The following ADRA1D variants were observed in gnomAD, a reference collection of about 807,000 sequenced individuals.
ADRA1D encodes the protein adrenoceptor alpha 1D.
A neutral mutation model predicts 18.6 loss-of-function variants in ADRA1D; 22 were observed. The ratio of observed to expected loss-of-function variants is 1.19; its 90% confidence interval spans 0.85 to 1.69. ADRA1D has a LOEUF of 1.69. ADRA1D is among the 40% of genes most tolerant of loss of function. ADRA1D has a pLI of 0.00. For missense variants in ADRA1D, 840 were observed against 840.7 expected, an observed-to-expected ratio of 1.00 and a Z score of 0.01; for synonymous variants, 376 against 388.2, an observed-to-expected ratio of 0.97 and a Z score of 0.37.
intron 1 of ADRA1D, among the ~76,000 whole-genome samples, chr20:4,230,835 C>G (rs986943133): frequency 6.6e-6 from 1 of 152,186 alleles, no homozygotes; most frequent in Non-Finnish European, 1.5e-5. Context: ...TTGCTGCTCC[C>G]AGGAGCCTCC....
rs889346333 is a variant in ADRA1D, at chr20:4,234,777, G to A, written c.1112-12647C>T. Reference sequence around the variant, plus strand: ...ATACAGTACACTTGAGCCAAGACCTGAAGACCCTGTGAGGGAGTGAGCCAT... The same window carrying A: ...ATACAGTACACTTGAGCCAAGACCTAAAGACCCTGTGAGGGAGTGAGCCAT... On this transcript the variant is annotated intron_variant, in intron 1 of 1. Transcript: ENST00000379453. 3.4e-4 allele frequency among the ~76,000 whole-genome samples: 52 copies of A among 152,222 alleles called. 1 individual carries two copies. Among genetic ancestry groups the A allele is most frequent in the Admixed American group, 3.4e-3 (52 of 15,284 alleles).
intron 1 of ADRA1D, among the ~76,000 whole-genome samples, chr20:4,240,719 G>A (rs566050627): frequency 6.6e-6 from 1 of 152,238 alleles, no homozygotes; most frequent in African/African-American, 2.4e-5. Flanking sequence ...ACTTGAACCC[G>A]GGAGGTGGAG....
chr20:4,227,780 CT>C (rs1001364095), intron 1 of ADRA1D, among the ~76,000 whole-genome samples: 42 of 123,254 alleles, frequency 3.4e-4, no homozygotes, highest in Non-Finnish European at 6.3e-4. Context: ...CTCTTTCTTT[CT>C]TTTTTTTTGA....
intron 1 of ADRA1D, among the ~76,000 whole-genome samples, chr20:4,234,760 C>T (rs763326492): frequency 1.3e-4 from 20 of 152,222 alleles, no homozygotes; most frequent in Non-Finnish European, 1.5e-5. Context: ...TAATACAGTA[C>T]ACTTGAGCCA....
chr20:4,224,015 G>A (rs1181388963), intron 1 of ADRA1D, among the ~76,000 whole-genome samples: 1 of 152,170 alleles, frequency 6.6e-6, no homozygotes, highest in Non-Finnish European at 1.5e-5. Context: ...GATGAGGCAG[G>A]GCAGAGGGTA....
At position 4,221,542 on chromosome 20, in the gene ADRA1D, A is replaced by C; in HGVS notation, c.1700T>G (p.Leu567Arg). 1.2e-6 allele frequency: 2 copies of C among 1,611,040 alleles called. No homozygotes were observed. The highest frequency in any genetic ancestry group is 1.7e-6 in the Non-Finnish European group (2 of 1,177,800). ...QAYELADYSN[L>R]RETDI ...GGGTCCTTAAATATCGGTCTCCCGT[A>C]GGTTGCTGTAGTCGGCCAATTCGTA... The change falls in exon 2 of 2, where the codon CTA (leucine) becomes CGA (arginine). Residue 567 changes from leucine (L) to arginine (R), a missense_variant. Physicochemically the swap from Leu to Arg is moderately radical, Grantham distance 102. Coordinates refer to ENST00000379453, the MANE Select transcript of ADRA1D (RefSeq NM_000678.4).
At position 4,222,246 on chromosome 20, in the gene ADRA1D, CTCA is replaced by C; in HGVS notation, c.1112-119_1112-117del. ...TTGGCTGAGTCATTGACTAGGAGTTCTCAAGGGATCCGTGCTGTAAATCAGGAG... is the reference window on the plus strand; with the variant it reads ...TTGGCTGAGTCATTGACTAGGAGTTCAGGGATCCGTGCTGTAAATCAGGAG... On this transcript the variant is annotated intron_variant, in intron 1 of 1. Transcript: ENST00000379453. The surrounding 1 kb of genome is among the most constrained non-coding windows in gnomAD (Gnocchi z 4.3). The C allele has an allele frequency of 7.1e-7, 1 of 1,400,206 alleles. No individual in the cohort carries two copies. Among genetic ancestry groups the C allele is most frequent in the Non-Finnish European group, 9.4e-7 (1 of 1,058,494 alleles). 86.7% of individuals were successfully genotyped at this position (1,400,206 alleles called of 1,614,324 possible).
intron 1 of ADRA1D, among the ~76,000 whole-genome samples, chr20:4,242,555 G>A (rs1053223588): frequency 6.6e-6 from 1 of 152,220 alleles, no homozygotes; most frequent in South Asian, 2.1e-4. Context: ...CAGCGACACA[G>A]GCACTATCAC....
intron 1 of ADRA1D, among the ~76,000 whole-genome samples, chr20:4,225,391 TA>T: frequency 6.6e-6 from 1 of 151,372 alleles, no homozygotes; most frequent in South Asian, 2.1e-4. Flanking sequence ...AGCAGGCTCT[TA>T]AAAAGTATTG....
Position 4,221,495 on chromosome 20 carries a change from C to A in ADRA1D, c.*28G>T. 6.3e-7 allele frequency: 1 copy of A among 1,584,278 alleles called. No individual in the cohort carries two copies. The highest frequency in any genetic ancestry group is 8.6e-7 in the Non-Finnish European group (1 of 1,160,490). Reference sequence around the variant, plus strand: ...TGGTCCCCCTTACCCCCAAGCCCAGCACACTCCGCGGCCTAGCTCTGGGGT... The same window carrying A: ...TGGTCCCCCTTACCCCCAAGCCCAGAACACTCCGCGGCCTAGCTCTGGGGT... On this transcript the variant is annotated 3_prime_UTR_variant, in exon 2 of 2. Coordinates refer to ENST00000379453, the MANE Select transcript of ADRA1D (RefSeq NM_000678.4).
In ADRA1D at chr20:4,239,531, C is replaced by T. The variant is rs1236725799; in HGVS notation, c.1111+8316G>A. 6.6e-6 allele frequency among the ~76,000 whole-genome samples: 1 copy of T among 152,158 alleles called. No homozygotes were observed. Among genetic ancestry groups the T allele is most frequent in the Non-Finnish European group, 1.5e-5 (1 of 68,038 alleles). On this transcript the variant is annotated intron_variant, in intron 1 of 1. Transcript: ENST00000379453. The surrounding 1 kb of genome is among the most constrained non-coding windows in gnomAD (Gnocchi z 4.9). The stretch of plus-strand genomic sequence containing the variant: ...GGCTCTTTAGGGAAATGGCTAATTC[C>T]AGGTCTAGGGCAGAAAAAATGCAAG...
At chr20:4,223,724 AT>A (rs1227925107) in intron 1 of ADRA1D, among the ~76,000 whole-genome samples, 2 of 152,232 alleles carry the variant, frequency 1.3e-5, no homozygotes, top group Non-Finnish European at 2.9e-5. Context: ...TAGTTAATAA[AT>A]TACATGAGAT....
At chr20:4,247,766 T>C in intron 1 of ADRA1D, 81 bp downstream of exon 1, 2 of 1,369,502 alleles carry the variant, frequency 1.5e-6, no homozygotes, top group South Asian at 1.8e-5. Context: ...CAGGTGGGGG[T>C]CGCCCAAGTC....
intron 1 of ADRA1D, among the ~76,000 whole-genome samples, chr20:4,227,953 G>A (rs532918630): frequency 5.3e-5 from 8 of 152,016 alleles, no homozygotes; most frequent in Admixed American, 3.3e-4. Context: ...CCTTGTGCCC[G>A]CCCCCGGCTC....
intron 1 of ADRA1D, among the ~76,000 whole-genome samples, chr20:4,234,689 G>A (rs1981048540): frequency 6.6e-6 from 1 of 152,196 alleles, no homozygotes; most frequent in Admixed American, 6.5e-5. Context: ...CCCAGGAGAG[G>A]CTGGGACCTC....
chr20:4,228,455 G>A (rs186496702), intron 1 of ADRA1D, among the ~76,000 whole-genome samples: 2 of 152,312 alleles, frequency 1.3e-5, no homozygotes, highest in East Asian at 1.9e-4. Flanking sequence ...TAAAGGAGTT[G>A]GTAATGGATG....
chr20:4,225,454 T>C (rs1428682425), intron 1 of ADRA1D, among the ~76,000 whole-genome samples: 3 of 104,370 alleles, frequency 2.9e-5, no homozygotes, highest in African/African-American at 1.1e-4. Context: ...TGAGACAGGG[T>C]TTCTCTCCCA....
chr20:4,236,993 A>G (rs532944368), intron 1 of ADRA1D, among the ~76,000 whole-genome samples: 46 of 152,258 alleles, frequency 3.0e-4, no homozygotes, highest in Non-Finnish European at 4.7e-4. Flanking sequence ...GTTTATGGTA[A>G]TTTGTTATAG....
rs1055487112 is a variant in ADRA1D at position 4,221,724 on chromosome 20, G to A, written c.1518C>T (p.Pro506=). The stretch of plus-strand genomic sequence containing the variant: ...AGACTTTGGCGCGCAGCTGGGTCGT[G>A]GGTCTCCGGAACGGCCCCAGCAGCC... ...EWRLLGPFRR[P]TTQLRAKVSS... The change falls in exon 2 of 2, where the codon CCC becomes CCT. Residue 506 remains proline (P), a synonymous_variant. Coordinates refer to ENST00000379453, the MANE Select transcript of ADRA1D (RefSeq NM_000678.4). The A allele has an allele frequency of 2.5e-6, 4 of 1,607,820 alleles. No individual in the cohort carries two copies. Among genetic ancestry groups the A allele is most frequent in the African/African-American group, 1.3e-5 (1 of 74,996 alleles).
Sources: gnomAD v4.1 joint callset for allele counts (sites outside exome capture counted in the v4.1 genomes callset) on GRCh38, gnomAD v4.1.1 for gene constraint, Gnocchi (gnomAD v3.1) non-coding constraint, MANE v1.5 for transcripts, NCBI Gene and HGNC (gene_info 2026-07-23, HGNC 2026-07-21) for gene names.